The following TDP1 variants were observed in gnomAD, a reference collection of about 807,000 sequenced individuals.
The protein encoded by TDP1 is tyrosyl-DNA phosphodiesterase 1.
Under a neutral mutation model 81.5 loss-of-function variants are expected in TDP1, and 64 were observed. The observed-to-expected ratio is 0.79, with a 90% CI of 0.64 to 0.97. The LOEUF is 0.97. Among genes scored for constraint, TDP1 ranks in the 50% least tolerant of loss-of-function variants. The probability of loss-of-function intolerance (pLI) is 0.00; values close to 1 mark genes in which losing one functional copy is unlikely to be tolerated. For synonymous variants in TDP1, 256 were observed against 264.3 expected (o/e 0.97, Z 0.30); for missense variants, 723 against 743.8 (o/e 0.97, Z 0.33).
At chr14:89,994,731 T>TG (rs1896517336) in intron 14 of TDP1, among the ~76,000 whole-genome samples, 1 of 152,200 alleles carries the variant, frequency 6.6e-6, no homozygotes, top group African/African-American at 2.4e-5. Flanking sequence ...ATTGCCTTGC[T>TG]GGGGCAGAGG....
At chr14:90,024,889 T>C (rs1356310170) in intron 15 of TDP1, among the ~76,000 whole-genome samples, 1 of 152,234 alleles carries the variant, frequency 6.6e-6, no homozygotes, top group Non-Finnish European at 1.5e-5. Context: ...TTTGGCTTCA[T>C]GTTTGCCAAA....
intron 8 of TDP1, among the ~76,000 whole-genome samples, chr14:89,982,034 A>G (rs1470165903): frequency 6.6e-6 from 1 of 152,086 alleles, no homozygotes; most frequent in Non-Finnish European, 1.5e-5. Flanking sequence ...ACCTGAGTGC[A>G]CTGCGCAGGA....
In TDP1 at chr14:89,965,738, C is replaced by T. The variant is rs964413982; in HGVS notation, c.560-409C>T. 11 of 983,136 alleles carry T rather than the reference C, an allele frequency of 1.1e-5. No individual in the cohort carries two copies. In the African/African-American group the frequency reaches 1.9e-4, roughly 17 times the overall value. The allele number at this position is 983,136 out of a possible 1,614,324, so 60.9% of individuals were successfully genotyped here. A position where few individuals can be genotyped will look rare whatever the true frequency, so the allele number is the denominator to read the frequency against. The stretch of plus-strand genomic sequence containing the variant: ...TTCTGGAAAGTCTTTCTAAACTGTC[C>T]ACATTTATAAAATCTTTCTAGAAAG... On this transcript the variant is annotated intron_variant, in intron 3 of 16. Coordinates refer to ENST00000335725, the MANE Select transcript of TDP1 (RefSeq NM_018319.4).
chr14:89,965,922 G>C, intron 3 of TDP1: 2 of 936,220 alleles, frequency 2.1e-6, no homozygotes, highest in Non-Finnish European at 2.5e-6. Flanking sequence ...GTAGATTTTG[G>C]TTTTGCATTG....
At chr14:90,042,973 T>G in intron 16 of TDP1, 97 bp from the exon 17 acceptor site, 1 of 1,598,458 alleles carries the variant, frequency 6.3e-7, no homozygotes, top group Non-Finnish European at 8.5e-7. Context: ...TACCACAGTT[T>G]AGAGAGTCAA....
Position 89,993,480 on chromosome 14 carries a change from C to G in TDP1, c.1538C>G (p.Thr513Arg). The G allele has an allele frequency of 6.2e-7, 1 of 1,612,706 alleles. No individual in the cohort carries two copies. The highest frequency in any genetic ancestry group is 8.5e-7 in the Non-Finnish European group (1 of 1,178,906). ...AGTAAAATTGCTTGGTTCCTTGTCA[C>G]AAGGTAAATAGTCCTTACATTCCTG... ...DFSKIAWFLV[T>R]SANLSKAAWG... Residue 513 changes from threonine to arginine, a missense_variant, in exon 14 of 17, where the codon ACA (threonine) becomes AGA (arginine). Transcript: ENST00000335725.
chr14:89,958,350 C>G (rs1244602004), intron 2 of TDP1: 3 of 152,230 alleles, frequency 2.0e-5, no homozygotes. Flanking sequence ...TGTCCTGCGT[C>G]CAAGAATAAT....
rs35007638 is a variant in TDP1, at chr14:90,022,853, A to G, written c.1644+3435A>G. Reference sequence around the variant, plus strand: ...GGTAGTTTGTCGTTTCGCTGAGTTTATACGTGCACAGGAGTGAGATGCTTA... The same window carrying G: ...GGTAGTTTGTCGTTTCGCTGAGTTTGTACGTGCACAGGAGTGAGATGCTTA... On this transcript the variant is annotated intron_variant, in intron 15 of 16. Coordinates refer to ENST00000335725, the MANE Select transcript of TDP1 (RefSeq NM_018319.4). 3,231 of 666,742 alleles carry G rather than the reference A, an allele frequency of 4.8e-3. 13 individuals carry two copies. The highest frequency in any genetic ancestry group is 5.4e-3 in the Non-Finnish European group (2,916 of 539,026). The allele number at this position is 666,742 out of a possible 1,614,324, so 41.3% of individuals were successfully genotyped here.
chr14:89,965,998 C>A, intron 3 of TDP1, 149 bp from the exon 4 acceptor site: 1 of 1,023,310 alleles, frequency 9.8e-7, no homozygotes. Flanking sequence ...TTTTATGAAA[C>A]ATTAAAGTCT....
chr14:89,988,541 A>C lies in TDP1; in HGVS notation c.1132-364A>C, dbSNP rs1005477600. Reference sequence around the variant, plus strand: ...ACCAAATACATATTTCATAGCATCAAAGCTGCATTAAACACTTGTGATTTC... The same window carrying C: ...ACCAAATACATATTTCATAGCATCACAGCTGCATTAAACACTTGTGATTTC... On this transcript the variant is annotated intron_variant, in intron 10 of 16. Transcript: ENST00000335725. The C allele has an allele frequency of 8.4e-6, 8 of 955,208 alleles. No individual in the cohort carries two copies. In the African/African-American group the frequency reaches 1.4e-4, roughly 17 times the overall value. 59.2% of individuals were successfully genotyped at this position (955,208 alleles called of 1,614,324 possible).
intron 15 of TDP1, among the ~76,000 whole-genome samples, chr14:90,030,429 T>G (rs1451152889): frequency 6.6e-6 from 1 of 152,206 alleles, no homozygotes; most frequent in Admixed American, 6.5e-5. Context: ...CTTATCCTTC[T>G]TGGATAAGGA....
intron 15 of TDP1, among the ~76,000 whole-genome samples, chr14:90,021,740 A>G (rs1886114813): frequency 6.6e-6 from 1 of 152,242 alleles, no homozygotes; most frequent in African/African-American, 2.4e-5. Flanking sequence ...CATTATTTAT[A>G]AAGACCATCA....
chr14:89,984,352 A>G (rs1436511323), intron 8 of TDP1, 164 bp from the exon 9 acceptor site: 3 of 985,268 alleles, frequency 3.0e-6, no homozygotes, highest in Admixed American at 6.1e-5. Context: ...ATGAGAAACC[A>G]TTGGAGTGGT....
chr14:90,029,070 A>G (rs1886964898), intron 15 of TDP1, among the ~76,000 whole-genome samples: 1 of 152,100 alleles, frequency 6.6e-6, no homozygotes, highest in Admixed American at 6.5e-5. Flanking sequence ...GCCTGCCTTA[A>G]ATTTTCAAGG....
intron 15 of TDP1, chr14:90,022,913 C>A (rs35979035): frequency 4.0e-6 from 3 of 756,928 alleles, no homozygotes; most frequent in Non-Finnish European, 6.6e-6. Context: ...CGGAACAGCC[C>A]GACGGTTCCC....
Position 89,998,408 on chromosome 14 carries a change from A to ATG in TDP1, c.1541+4926_1541+4927insGT, listed in dbSNP as rs1261218265. Among the ~76,000 whole-genome samples the ATG allele has an allele frequency of 2.1e-3, 225 of 107,180 alleles. 1 individual carries two copies. The highest frequency in any genetic ancestry group is 8.8e-3 in the African/African-American group (179 of 20,372). 70.3% of individuals were successfully genotyped at this position (107,180 alleles called of 152,430 possible). A position where few individuals can be genotyped will look rare whatever the true frequency, so the allele number is the denominator to read the frequency against. ...TATATATATATATATATATATATATATATATATATATATATGTATGTATGT... is the reference window on the plus strand; with the variant it reads ...TATATATATATATATATATATATATATGTATATATATATATATGTATGTATGT... On this transcript the variant is annotated intron_variant, in intron 14 of 16. Transcript: ENST00000335725.
At chr14:90,030,075 C>T (rs907066328) in intron 15 of TDP1, among the ~76,000 whole-genome samples, 2 of 152,180 alleles carry the variant, frequency 1.3e-5, no homozygotes, top group African/African-American at 4.8e-5. Flanking sequence ...CTTAGAGCCA[C>T]ACAGCAAGTA....
intron 12 of TDP1, 108 bp from the exon 13 acceptor site, chr14:89,991,806 AAGT>A (rs1374101034): frequency 1.7e-5 from 21 of 1,245,278 alleles, no homozygotes; most frequent in Non-Finnish European, 2.3e-5. Flanking sequence ...GAAGTAATAG[AAGT>A]AGTTTTTTTC....
chr14:90,008,174 G>A (rs1401709713), intron 14 of TDP1, among the ~76,000 whole-genome samples: 1 of 152,148 alleles, frequency 6.6e-6, no homozygotes, highest in African/African-American at 2.4e-5. Context: ...TTATCATTAA[G>A]CATATTGACT....
Sources: gnomAD v4.1 joint callset for allele counts (sites outside exome capture counted in the v4.1 genomes callset) on GRCh38, gnomAD v4.1.1 for gene constraint, MANE v1.5 for transcripts, NCBI Gene and HGNC (gene_info 2026-07-23, HGNC 2026-07-21) for gene names.